Variants in FSTL5 observed in about 807,000 individuals in gnomAD.
The protein encoded by FSTL5 is follistatin-related protein 5.
In FSTL5, 62 loss-of-function variants were observed where a neutral mutation model predicts 89.1. That is an observed-to-expected ratio of 0.70 (90% CI 0.57 to 0.86). The LOEUF (loss-of-function observed/expected upper bound fraction) is 0.86. Ranked by LOEUF, FSTL5 falls within the 40% of genes least tolerant of loss-of-function variation. The probability of loss-of-function intolerance (pLI) is 0.00; values close to 1 mark genes in which losing one functional copy is unlikely to be tolerated. For missense variants in FSTL5, 1,057 were observed against 1,001.6 expected, an observed-to-expected ratio of 1.06 and a Z score of -0.75; for synonymous variants, 383 against 346.2, an observed-to-expected ratio of 1.11 and a Z score of -1.18.
At chr4:161,800,528 T>C (rs936434640) in intron 4 of FSTL5, among the ~76,000 whole-genome samples, 1 of 151,678 alleles carries the variant, frequency 6.6e-6, no homozygotes, top group African/African-American at 2.4e-5. Flanking sequence ...CAGATGGAAA[T>C]GAATATACAA....
At chr4:161,966,182 A>G (rs1735322298) in intron 3 of FSTL5, among the ~76,000 whole-genome samples, 1 of 152,150 alleles carries the variant, frequency 6.6e-6, no homozygotes, top group Admixed American at 6.6e-5. Context: ...TTACTAAGGC[A>G]TGAGCAAGTA....
chr4:162,007,461 TA>T (rs966783108), intron 3 of FSTL5, among the ~76,000 whole-genome samples: 6 of 151,966 alleles, frequency 3.9e-5, no homozygotes, highest in East Asian at 3.9e-4. Context: ...AAAAGTATGA[TA>T]AAAATATATA....
At chr4:161,704,473 T>C (rs2126732697) in intron 6 of FSTL5, among the ~76,000 whole-genome samples, 1 of 152,216 alleles carries the variant, frequency 6.6e-6, no homozygotes, top group South Asian at 2.1e-4. Context: ...TTCGAGGTTC[T>C]CACTCTTAAA....
intron 2 of FSTL5, among the ~76,000 whole-genome samples, chr4:162,073,844 C>T (rs1729726683): frequency 6.6e-6 from 1 of 151,506 alleles, no homozygotes; most frequent in Non-Finnish European, 1.5e-5. Flanking sequence ...CAGGTGATTC[C>T]CACAGCAATA....
At chr4:161,761,156 A>G (rs183359316) in intron 5 of FSTL5, among the ~76,000 whole-genome samples, 1 of 152,344 alleles carries the variant, frequency 6.6e-6, no homozygotes, top group African/African-American at 2.4e-5. Flanking sequence ...TGACCCATAT[A>G]AATAGAAATT....
intron 6 of FSTL5, among the ~76,000 whole-genome samples, chr4:161,695,424 C>CGTGTGT (rs151205054): frequency 0.36 from 48,384 of 134,062 alleles, 10,470 homozygotes; most frequent in East Asian, 0.48. Flanking sequence ...CCATGGTGTA[C>CGTGTGT]GTGTGTGTGT....
intron 6 of FSTL5, among the ~76,000 whole-genome samples, chr4:161,740,009 T>TG (rs1488551510): frequency 6.6e-5 from 10 of 150,994 alleles, no homozygotes; most frequent in Non-Finnish European, 1.2e-4. Context: ...TTTATTTATT[T>TG]ATTTATTTAT....
intron 6 of FSTL5, among the ~76,000 whole-genome samples, chr4:161,726,901 C>CAAA (rs752981511): frequency 3.5e-5 from 5 of 142,718 alleles, no homozygotes; most frequent in African/African-American, 1.3e-4. Context: ...TCCCAAAGAG[C>CAAA]AAAAAAAAAA....
chr4:161,803,634 T>C (rs1729866897), intron 4 of FSTL5, among the ~76,000 whole-genome samples: 2 of 151,990 alleles, frequency 1.3e-5, no homozygotes, highest in Non-Finnish European at 1.5e-5. Flanking sequence ...CTCATATTGA[T>C]ATATATCACT....
At chr4:162,013,656 A>G (rs1310134177) in intron 3 of FSTL5, among the ~76,000 whole-genome samples, 1 of 152,182 alleles carries the variant, frequency 6.6e-6, no homozygotes, top group Non-Finnish European at 1.5e-5. Context: ...GGTTGGGATC[A>G]TGGCACATGG....
chr4:162,111,356 A>T lies in FSTL5; in HGVS notation c.41T>A (p.Ile14Asn). The change falls in exon 2 of 16, where the codon ATT becomes AAT. Residue 14 changes from isoleucine to asparagine, a missense_variant. Around this residue, in one of 3 missense-constraint regions of FSTL5, gnomAD observed 980 missense variants for 903.2 expected, o/e 1.08. Transcript: ENST00000306100. ...CWSVVLVLGFIFLESEGRPTK... is the reference protein window; with the variant it reads ...CWSVVLVLGFNFLESEGRPTK... ...TGGCCTTCCTTCCGACTCCAGAAAA[A>T]TGAATCCGAGAACCAAGACAACTGA... 6.2e-7 allele frequency: 1 copy of T among 1,612,628 alleles called. No individual in the cohort carries two copies. Among genetic ancestry groups the T allele is most frequent in the Non-Finnish European group, 8.5e-7 (1 of 1,179,014 alleles).
chr4:161,428,225 T>G (rs1032978896), intron 15 of FSTL5, among the ~76,000 whole-genome samples: 2 of 152,172 alleles, frequency 1.3e-5, no homozygotes, highest in Admixed American at 1.3e-4. Flanking sequence ...AACTTGAGTT[T>G]CCACAAATCT....
At chr4:161,510,830 T>A (rs1222952314) in intron 10 of FSTL5, among the ~76,000 whole-genome samples, 2 of 151,796 alleles carry the variant, frequency 1.3e-5, no homozygotes, top group African/African-American at 4.8e-5. Context: ...TTTGCAATAA[T>A]CACAATATAT....
intron 15 of FSTL5, among the ~76,000 whole-genome samples, chr4:161,424,762 A>G (rs1406507261): frequency 6.6e-6 from 1 of 152,220 alleles, no homozygotes; most frequent in African/African-American, 2.4e-5. Context: ...GACCAGTCCA[A>G]ATGAAAATGA....
At chr4:161,509,322 ATAAG>A (rs1730583095) in intron 11 of FSTL5, among the ~76,000 whole-genome samples, 1 of 152,188 alleles carries the variant, frequency 6.6e-6, no homozygotes, top group Non-Finnish European at 1.5e-5. Flanking sequence ...AAATATATAA[ATAAG>A]TAAGTACTGA....
intron 3 of FSTL5, among the ~76,000 whole-genome samples, chr4:161,983,448 G>C (rs1254952382): frequency 6.6e-6 from 1 of 152,106 alleles, no homozygotes. Context: ...GCAGAAATAC[G>C]GACTGCTGGC....
At chr4:161,775,741 A>G (rs571056149) in intron 5 of FSTL5, 137 bp downstream of exon 5, 106 of 457,280 alleles carry the variant, frequency 2.3e-4, no homozygotes, top group Admixed American at 1.4e-3. Context: ...GTTTGCTACA[A>G]AAATGTTGTT....
At chr4:161,934,444 A>C (rs553059952) in intron 3 of FSTL5, among the ~76,000 whole-genome samples, 2 of 152,204 alleles carry the variant, frequency 1.3e-5, no homozygotes, top group African/African-American at 4.8e-5. Flanking sequence ...CCTTTCAAAT[A>C]GTTTATCAAA....
At chr4:161,654,804 G>A (rs539043001) in intron 7 of FSTL5, among the ~76,000 whole-genome samples, 1 of 152,132 alleles carries the variant, frequency 6.6e-6, no homozygotes, top group South Asian at 2.1e-4. Context: ...ACTAAAGCAA[G>A]GGATTGCCCC....
Sources: allele counts gnomAD v4.1 joint callset (sites outside exome capture counted in the v4.1 genomes callset), GRCh38; gene constraint gnomAD v4.1.1; regional missense constraint gnomAD v4.1.1; transcripts MANE v1.5; gene names NCBI Gene and HGNC (gene_info 2026-07-23, HGNC 2026-07-21).